OTUD7A: variants seen among roughly 807,000 people sequenced by gnomAD.
OTUD7A encodes OTU domain-containing protein 7A.
OTUD7A carries 12 observed loss-of-function variants against 65.7 expected under a neutral mutation model. That is an observed-to-expected ratio of 0.18 (90% CI 0.12 to 0.30). The LOEUF (loss-of-function observed/expected upper bound fraction) is 0.30. Ranked by LOEUF, OTUD7A falls within the 10% of genes least tolerant of loss-of-function variation. The probability of loss-of-function intolerance (pLI) is 1.00; values close to 1 mark genes in which losing one functional copy is unlikely to be tolerated. For synonymous variants in OTUD7A, 641 were observed against 586.3 expected, an observed-to-expected ratio of 1.09 and a Z score of -1.35; for missense variants, 1,148 against 1,304.8, an observed-to-expected ratio of 0.88 and a Z score of 1.85.
At chr15:31,610,063 T>G (rs1341040080) in intron 3 of OTUD7A, among the ~76,000 whole-genome samples, 1 of 151,676 alleles carries the variant, frequency 6.6e-6, no homozygotes, top group African/African-American at 2.4e-5. Flanking sequence ...AGCCTTCAGC[T>G]CTAGACCTTC....
At chr15:31,557,431 T>A (rs1165013482) in intron 5 of OTUD7A, 1 of 152,264 alleles carries the variant, frequency 6.6e-6, no homozygotes, top group African/African-American at 2.4e-5. Flanking sequence ...GTGGACCACA[T>A]CAGTGAGCTC....
chr15:31,669,379 C>T lies in OTUD7A; in HGVS notation c.-99-12302G>A, dbSNP rs529518906. Among the ~76,000 whole-genome samples the T allele has an allele frequency of 3.2e-4, 49 of 152,188 alleles. No individual in the cohort carries two copies. In the South Asian group the frequency reaches 7.7e-3, roughly 24 times the overall value. On this transcript the variant is annotated intron_variant, in intron 1 of 12. Transcript: ENST00000307050. ...CCAGGTCAATGGAGTTGTGTACCTA[C>T]GAGGATTATGGTTGCCTCTGCTGAG...
intron 10 of OTUD7A, among the ~76,000 whole-genome samples, chr15:31,499,319 T>C (rs1595558770): frequency 6.6e-6 from 1 of 152,076 alleles, no homozygotes; most frequent in Non-Finnish European, 1.5e-5. Flanking sequence ...ACGGACAGGG[T>C]ACCATGGCAG....
chr15:31,623,408 T>G (rs1260567108), intron 3 of OTUD7A, among the ~76,000 whole-genome samples: 1 of 152,238 alleles, frequency 6.6e-6, no homozygotes, highest in Admixed American at 6.5e-5. Flanking sequence ...TGCAGTGGGC[T>G]CCACCCAGTT....
chr15:31,793,648 G>A (rs1016534516), intron 1 of OTUD7A, among the ~76,000 whole-genome samples: 1 of 152,152 alleles, frequency 6.6e-6, no homozygotes, highest in African/African-American at 2.4e-5. Context: ...CCAGTGGAAG[G>A]CTTAATGGAA....
chr15:31,664,846 A>C (rs1335344840), intron 1 of OTUD7A, among the ~76,000 whole-genome samples: 1 of 152,174 alleles, frequency 6.6e-6, no homozygotes, highest in Non-Finnish European at 1.5e-5. Flanking sequence ...AAAGTGAGAG[A>C]TGAGGATCCT....
intron 3 of OTUD7A, among the ~76,000 whole-genome samples, chr15:31,628,215 T>C (rs1162929716): frequency 6.6e-6 from 1 of 152,222 alleles, no homozygotes; most frequent in Non-Finnish European, 1.5e-5. Context: ...CTAGGGTTTT[T>C]ATGGTTTTAG....
intron 1 of OTUD7A, among the ~76,000 whole-genome samples, chr15:31,770,049 G>GA (rs1312205790): frequency 2.0e-5 from 3 of 151,902 alleles, no homozygotes; most frequent in Non-Finnish European, 2.9e-5. Context: ...TAAGAAACTA[G>GA]AAAAAAAGCA....
intron 1 of OTUD7A, among the ~76,000 whole-genome samples, chr15:31,672,646 G>A (rs879108701): frequency 3.3e-5 from 5 of 152,194 alleles, no homozygotes; most frequent in African/African-American, 9.7e-5. Context: ...AGTCACCATT[G>A]TTCCATCACA....
intron 3 of OTUD7A, among the ~76,000 whole-genome samples, chr15:31,625,959 G>A (rs1188906416): frequency 6.7e-6 from 1 of 148,426 alleles, no homozygotes. Flanking sequence ...CGAGGTTATG[G>A]AACAAGCAAA....
chr15:31,727,485 A>C (rs1052026838), intron 1 of OTUD7A, among the ~76,000 whole-genome samples: 1 of 152,140 alleles, frequency 6.6e-6, no homozygotes, highest in African/African-American at 2.4e-5. Flanking sequence ...ATTTTGTCAA[A>C]TTCCACAAAA....
chr15:31,867,152 G>A (rs771856587), intron 1 of OTUD7A, among the ~76,000 whole-genome samples: 1 of 152,140 alleles, frequency 6.6e-6, no homozygotes, highest in African/African-American at 2.4e-5. Context: ...CAGTCCCTGC[G>A]AGGAAAAGTC....
rs1445699340 is a variant in OTUD7A, at chr15:31,567,484, TAA to T, written c.331+2532_331+2533del. On this transcript the variant is annotated intron_variant, in intron 4 of 12. Coordinates refer to ENST00000307050, the MANE Select transcript of OTUD7A (RefSeq NM_001382637.1). ...CAGAATGTAAAAGGGAAGCAGAATG[TAA>T]AAGTTTGAAAAATTTGCAGCCTAGC... is the stretch of plus-strand genomic sequence containing the variant. Among the ~76,000 whole-genome samples, 7 of 151,536 alleles carry T rather than the reference TAA, an allele frequency of 4.6e-5. No individual in the cohort carries two copies. In the South Asian group the frequency reaches 6.2e-4, roughly 13 times the overall value.
chr15:31,816,218 G>T (rs1896545708), intron 1 of OTUD7A, among the ~76,000 whole-genome samples: 1 of 152,128 alleles, frequency 6.6e-6, no homozygotes, highest in African/African-American at 2.4e-5. Flanking sequence ...TCAAACCTTG[G>T]GTAGAGGGCC....
At chr15:31,533,050 A>T (rs757957477) in intron 5 of OTUD7A, among the ~76,000 whole-genome samples, 7 of 151,994 alleles carry the variant, frequency 4.6e-5, no homozygotes, top group Admixed American at 2.0e-4. Context: ...GCAAACCCTA[A>T]ACAGAAAAAA....
At chr15:31,653,959 C>T (rs1891914911) in intron 3 of OTUD7A, among the ~76,000 whole-genome samples, 2 of 99,490 alleles carry the variant, frequency 2.0e-5, no homozygotes, top group South Asian at 9.4e-4. Context: ...TTCACAGTCA[C>T]CTTGTAAGGT....
chr15:31,789,361 A>G (rs1895754837), intron 1 of OTUD7A, among the ~76,000 whole-genome samples: 1 of 152,216 alleles, frequency 6.6e-6, no homozygotes, highest in Non-Finnish European at 1.5e-5. Context: ...AGATGTCTGA[A>G]AGTAATCCCC....
At chr15:31,560,357 T>C (rs1228649149) in intron 4 of OTUD7A, among the ~76,000 whole-genome samples, 1 of 152,262 alleles carries the variant, frequency 6.6e-6, no homozygotes, top group African/African-American at 2.4e-5. Flanking sequence ...TCTGGCTTTA[T>C]TCTTCTTGGG....
At chr15:31,534,243 G>C (rs1337015109) in intron 5 of OTUD7A, among the ~76,000 whole-genome samples, 1 of 152,168 alleles carries the variant, frequency 6.6e-6, no homozygotes, top group African/African-American at 2.4e-5. Context: ...GGGATGCAAG[G>C]ATGGCTCAAT....
Sources: allele counts gnomAD v4.1 joint callset (sites outside exome capture counted in the v4.1 genomes callset), GRCh38; gene constraint gnomAD v4.1.1; transcripts MANE v1.5; gene names NCBI Gene and HGNC (gene_info 2026-07-23, HGNC 2026-07-21).